KCND3: variants seen among roughly 807,000 people sequenced by gnomAD.
KCND3 encodes potassium voltage-gated channel subfamily D member 3, also known as A-type voltage-gated potassium channel KCND3.
Under a neutral mutation model 51.1 loss-of-function variants are expected in KCND3, and 9 were observed. The ratio of observed to expected loss-of-function variants is 0.18; its 90% confidence interval spans 0.11 to 0.31. The LOEUF is 0.31. Among genes scored for constraint, KCND3 ranks in the 10% least tolerant of loss-of-function variants. The probability of loss-of-function intolerance (pLI) is 1.00; values close to 1 mark genes in which losing one functional copy is unlikely to be tolerated. For synonymous variants in KCND3, 349 were observed against 368.0 expected, an observed-to-expected ratio of 0.95 and a Z score of 0.59; for missense variants, 526 against 903.8, an observed-to-expected ratio of 0.58 and a Z score of 5.36.
intron 2 of KCND3, among the ~76,000 whole-genome samples, chr1:111,916,011 T>C (rs941355025): frequency 6.6e-6 from 1 of 152,100 alleles, no homozygotes; most frequent in African/African-American, 2.4e-5. Context: ...CTGTAATTGA[T>C]AGAAAAAGTA....
chr1:111,781,614 G>A (rs938864786), intron 3 of KCND3, among the ~76,000 whole-genome samples: 1 of 152,104 alleles, frequency 6.6e-6, no homozygotes, highest in Non-Finnish European at 1.5e-5. Flanking sequence ...CTGCCTCCTG[G>A]GTTCAAGCAA....
intron 2 of KCND3, among the ~76,000 whole-genome samples, chr1:111,927,726 G>A (rs1671775022): frequency 6.6e-6 from 1 of 152,224 alleles, no homozygotes; most frequent in Non-Finnish European, 1.5e-5. Context: ...AGGCACCAGA[G>A]ATGCAAAGAA....
At chr1:111,926,800 C>G (rs1292173846) in intron 2 of KCND3, among the ~76,000 whole-genome samples, 1 of 152,278 alleles carries the variant, frequency 6.6e-6, no homozygotes, top group Non-Finnish European at 1.5e-5. Flanking sequence ...CTGCGCGCAC[C>G]TCACTGCTAG....
intron 2 of KCND3, among the ~76,000 whole-genome samples, chr1:111,942,850 T>C (rs1672590611): frequency 2.6e-5 from 4 of 152,218 alleles, no homozygotes; most frequent in Admixed American, 2.6e-4. Context: ...TTTAAATGGC[T>C]TTCTCAAGGT....
chr1:111,851,944 T>C (rs959749079), intron 2 of KCND3, among the ~76,000 whole-genome samples: 1 of 152,262 alleles, frequency 6.6e-6, no homozygotes, highest in African/African-American at 2.4e-5. Flanking sequence ...TGGCTCCCTA[T>C]AGCCTCCTCT....
At chr1:111,931,402 AC>A (rs1671962818) in intron 2 of KCND3, among the ~76,000 whole-genome samples, 1 of 152,074 alleles carries the variant, frequency 6.6e-6, no homozygotes, top group South Asian at 2.1e-4. Context: ...TCTCCCACCC[AC>A]CCCCTAAAAA....
chr1:111,959,144 T>C (rs577210945), intron 2 of KCND3, among the ~76,000 whole-genome samples: 7 of 152,152 alleles, frequency 4.6e-5, no homozygotes, highest in Non-Finnish European at 1.0e-4. Context: ...AGAGAATGTG[T>C]TGCATGCACA....
In KCND3 at chr1:111,813,731, G is replaced by A. The variant is rs118015352; in HGVS notation, c.1107-26625C>T. ...GGACAGGTTCAGCTGGCACTGACTA[G>A]AACCTGCTAGGAGCCAGGCAGGCCT... On this transcript the variant is annotated intron_variant, in intron 2 of 7. Coordinates refer to ENST00000302127, the MANE Select transcript of KCND3 (RefSeq NM_001378969.1). Among the ~76,000 whole-genome samples the A allele has an allele frequency of 7.2e-5, 11 of 152,360 alleles. No homozygotes were observed. In the East Asian group the frequency reaches 7.7e-4, roughly 11 times the overall value.
chr1:111,845,927 A>G (rs1053080546), intron 2 of KCND3, among the ~76,000 whole-genome samples: 3 of 152,006 alleles, frequency 2.0e-5, no homozygotes, highest in Non-Finnish European at 4.4e-5. Flanking sequence ...GCACCACCAT[A>G]TCCTAAAGGT....
intron 2 of KCND3, among the ~76,000 whole-genome samples, chr1:111,793,473 G>A (rs191816983): frequency 2.7e-5 from 4 of 148,782 alleles, no homozygotes; most frequent in South Asian, 4.2e-4. Context: ...CACCGCGCCC[G>A]GCCAGAAGCA....
At chr1:111,880,152 A>G (rs1231419753) in intron 2 of KCND3, among the ~76,000 whole-genome samples, 1 of 152,208 alleles carries the variant, frequency 6.6e-6, no homozygotes, top group East Asian at 1.9e-4. Context: ...ATTTCCCACT[A>G]ACGCTAGAAC....
At chr1:111,900,951 C>G (rs559343864) in intron 2 of KCND3, among the ~76,000 whole-genome samples, 5 of 151,930 alleles carry the variant, frequency 3.3e-5, no homozygotes, top group African/African-American at 1.2e-4. Flanking sequence ...GAGTGAAACT[C>G]CATCTAAAAA....
Position 111,981,579 on chromosome 1 carries a change from C to A in KCND3, c.1106+42G>T. The A allele has an allele frequency of 6.2e-7, 1 of 1,613,682 alleles. No homozygotes were observed. Among genetic ancestry groups the A allele is most frequent in the South Asian group, 1.1e-5 (1 of 90,824 alleles). Reference sequence around the variant, plus strand: ...AGGTTTCAGAGGTCATCCAGCTGCCCTCCAACCTCCGTCCTGGTTTCATCC... The same window carrying A: ...AGGTTTCAGAGGTCATCCAGCTGCCATCCAACCTCCGTCCTGGTTTCATCC... On this transcript the variant is annotated intron_variant, in intron 2 of 7. Transcript: ENST00000302127. This position sits in a 1 kb window ranked among gnomAD's most constrained non-coding sequence, Gnocchi z 6.2.
chr1:111,973,460 G>A (rs906091296), intron 2 of KCND3, among the ~76,000 whole-genome samples: 17 of 152,254 alleles, frequency 1.1e-4, no homozygotes, highest in Admixed American at 9.2e-4. Context: ...GGACTGATAA[G>A]GTTCTGGGAT....
At chr1:111,968,267 C>T (rs935055907) in intron 2 of KCND3, among the ~76,000 whole-genome samples, 3 of 151,986 alleles carry the variant, frequency 2.0e-5, no homozygotes, top group African/African-American at 4.8e-5. Context: ...GGGGATTTGG[C>T]TCAGAAGGCA....
intron 3 of KCND3, among the ~76,000 whole-genome samples, chr1:111,785,934 A>G (rs147316686): frequency 6.6e-6 from 1 of 152,326 alleles, no homozygotes; most frequent in East Asian, 1.9e-4. Flanking sequence ...ATAAAAGAAT[A>G]AAGTAAGGAG....
At chr1:111,895,167 GA>G (rs1670043202) in intron 2 of KCND3, among the ~76,000 whole-genome samples, 1 of 142,842 alleles carries the variant, frequency 7.0e-6, no homozygotes, top group East Asian at 2.4e-4. Context: ...GAAGGAGGGG[GA>G]AGGAGGGAGA....
chr1:111,906,558 G>C (rs1184465044), intron 2 of KCND3, among the ~76,000 whole-genome samples: 1 of 152,150 alleles, frequency 6.6e-6, no homozygotes, highest in South Asian at 2.1e-4. Flanking sequence ...CTCTTTTCCT[G>C]TCTTATCAAG....
intron 2 of KCND3, among the ~76,000 whole-genome samples, chr1:111,827,292 G>A (rs1168482782): frequency 1.3e-5 from 2 of 152,252 alleles, no homozygotes; most frequent in Non-Finnish European, 2.9e-5. Context: ...AAATACAAGT[G>A]CCAAGAGGAG....
Sources: gnomAD v4.1 joint callset for allele counts (sites outside exome capture counted in the v4.1 genomes callset) on GRCh38, gnomAD v4.1.1 for gene constraint, Gnocchi (gnomAD v3.1) non-coding constraint, MANE v1.5 for transcripts, NCBI Gene and HGNC (gene_info 2026-07-23, HGNC 2026-07-21) for gene names.